RIMS1: variants seen among roughly 807,000 people sequenced by gnomAD.
RIMS1 encodes the protein regulating synaptic membrane exocytosis 1.
In RIMS1, 83 loss-of-function variants were observed where a neutral mutation model predicts 214.1. The ratio of observed to expected loss-of-function variants is 0.39; its 90% confidence interval spans 0.32 to 0.47. The LOEUF (loss-of-function observed/expected upper bound fraction) is 0.47, where lower values mean the gene tolerates loss of function less well. Among genes scored for constraint, RIMS1 ranks in the 20% least tolerant of loss-of-function variants. The pLI, the probability that RIMS1 is intolerant of heterozygous loss-of-function variation, is 0.99. For missense variants in RIMS1, 2,050 were observed against 2,161.8 expected (o/e 0.95, Z 1.03); for synonymous variants, 793 against 786.8 (o/e 1.01, Z -0.13).
intron 4 of RIMS1, among the ~76,000 whole-genome samples, chr6:72,167,701 G>A (rs1312158206): frequency 1.3e-5 from 2 of 151,948 alleles, no homozygotes; most frequent in East Asian, 3.9e-4. Context: ...CTCTATTCAT[G>A]TTACTGAATT....
chr6:71,909,318 A>C (rs1260935363), intron 1 of RIMS1, among the ~76,000 whole-genome samples: 1 of 152,124 alleles, frequency 6.6e-6, no homozygotes, highest in Non-Finnish European at 1.5e-5. Flanking sequence ...TTCATACTTA[A>C]AGTTTTAAAT....
chr6:72,217,513 A>G (rs934685790), intron 6 of RIMS1, among the ~76,000 whole-genome samples: 2 of 152,212 alleles, frequency 1.3e-5, no homozygotes, highest in African/African-American at 4.8e-5. Context: ...CTTGAGATAT[A>G]TAGATAATAT....
At chr6:71,987,396 C>T (rs140932879) in intron 2 of RIMS1, among the ~76,000 whole-genome samples, 17 of 152,280 alleles carry the variant, frequency 1.1e-4, no homozygotes, top group Non-Finnish European at 1.5e-4. Flanking sequence ...TCCTCACAGG[C>T]GGAGAGCAGA....
chr6:72,011,131 A>T (rs1231179504), intron 2 of RIMS1, among the ~76,000 whole-genome samples: 1 of 152,206 alleles, frequency 6.6e-6, no homozygotes, highest in Non-Finnish European at 1.5e-5. Context: ...CAAAACAGAG[A>T]TATAGACCAA....
At chr6:71,910,556 A>C (rs1486246248) in intron 1 of RIMS1, among the ~76,000 whole-genome samples, 1 of 152,162 alleles carries the variant, frequency 6.6e-6, no homozygotes, top group Non-Finnish European at 1.5e-5. Flanking sequence ...TCTAGGTCTT[A>C]TCAAAGCACC....
chr6:72,072,304 A>G (rs1200124132), intron 2 of RIMS1, among the ~76,000 whole-genome samples: 1 of 152,238 alleles, frequency 6.6e-6, no homozygotes, highest in Non-Finnish European at 1.5e-5. Flanking sequence ...TACAAAGGGA[A>G]TCCAAGATAT....
chr6:72,334,819 ATTTGAGTCATGTC>A (rs2096784682), intron 29 of RIMS1, among the ~76,000 whole-genome samples: 1 of 151,924 alleles, frequency 6.6e-6, no homozygotes, highest in African/African-American at 2.4e-5. Context: ...GAAGTAGGAA[ATTTGAGTCATGTC>A]TTAAAATTAC....
At chr6:71,905,010 GA>G (rs1451454339) in intron 1 of RIMS1, among the ~76,000 whole-genome samples, 3 of 152,026 alleles carry the variant, frequency 2.0e-5, no homozygotes, top group African/African-American at 7.2e-5. Context: ...ATACAGTATT[GA>G]AGATATGCAA....
intron 23 of RIMS1, among the ~76,000 whole-genome samples, chr6:72,275,436 A>G (rs1273534692): frequency 1.3e-5 from 2 of 151,872 alleles, no homozygotes; most frequent in East Asian, 3.9e-4. Context: ...TTTGTAAACA[A>G]TCAAGATATC....
chr6:72,101,453 A>G (rs904106618), intron 4 of RIMS1, among the ~76,000 whole-genome samples: 2 of 152,004 alleles, frequency 1.3e-5, no homozygotes, highest in Non-Finnish European at 2.9e-5. Flanking sequence ...GGGAAACTGA[A>G]GCCACATTTT....
intron 2 of RIMS1, among the ~76,000 whole-genome samples, chr6:72,034,180 T>G (rs2152033164): frequency 6.6e-6 from 1 of 152,312 alleles, no homozygotes; most frequent in South Asian, 2.1e-4. Context: ...AAAATTTAAA[T>G]TTCTGATAAA....
chr6:72,251,792 C>T (rs1419087637), intron 15 of RIMS1, among the ~76,000 whole-genome samples: 2 of 152,050 alleles, frequency 1.3e-5, no homozygotes, highest in African/African-American at 2.4e-5. Flanking sequence ...CTCACTGCAA[C>T]CTGCACCTCC....
intron 4 of RIMS1, among the ~76,000 whole-genome samples, chr6:72,120,017 T>C (rs1433725481): frequency 6.6e-6 from 1 of 151,940 alleles, no homozygotes; most frequent in Non-Finnish European, 1.5e-5. Context: ...TATTCCATGA[T>C]GTATATGGGC....
intron 12 of RIMS1, among the ~76,000 whole-genome samples, chr6:72,248,980 A>G (rs1326075860): frequency 6.6e-6 from 1 of 152,128 alleles, no homozygotes; most frequent in Non-Finnish European, 1.5e-5. Flanking sequence ...TTCTCCACAT[A>G]TTTTGAAAGA....
chr6:72,086,924 A>G lies in RIMS1; in HGVS notation c.246-10025A>G, dbSNP rs1008139402. 4.6e-5 allele frequency among the ~76,000 whole-genome samples: 7 copies of G among 152,170 alleles called. 1 individual carries two copies. The South Asian group carries it at 1.4e-3, about 31-fold the overall frequency. ...CGGCAGGAAGCCTAGTTAGAAAGCT[A>G]ATGAAATAATACAAGCTAAGAATAA... On this transcript the variant is annotated intron_variant, in intron 2 of 33. Transcript: ENST00000521978.
intron 23 of RIMS1, among the ~76,000 whole-genome samples, chr6:72,277,101 T>C (rs1563433740): frequency 6.6e-6 from 1 of 152,234 alleles, no homozygotes; most frequent in South Asian, 2.1e-4. Flanking sequence ...AAGAGAGTTA[T>C]CCAGTACATT....
At chr6:72,132,126 A>C (rs781040045) in intron 4 of RIMS1, among the ~76,000 whole-genome samples, 14 of 152,180 alleles carry the variant, frequency 9.2e-5, no homozygotes, top group Non-Finnish European at 1.9e-4. Context: ...CAAGGTCCTG[A>C]GGCGACATAC....
intron 2 of RIMS1, among the ~76,000 whole-genome samples, chr6:72,065,924 C>CA (rs1257479946): frequency 7.2e-5 from 9 of 125,178 alleles, no homozygotes; most frequent in Non-Finnish European, 1.4e-4. Flanking sequence ...AATGAGAAGC[C>CA]GAAAAAAAAA....
At chr6:71,939,265 A>C (rs897008532) in intron 1 of RIMS1, among the ~76,000 whole-genome samples, 14 of 152,172 alleles carry the variant, frequency 9.2e-5, no homozygotes, top group African/African-American at 3.1e-4. Context: ...CACTCAAGTA[A>C]TCTTTAAGAA....
Sources: gnomAD v4.1 joint callset for allele counts (sites outside exome capture counted in the v4.1 genomes callset) on GRCh38, gnomAD v4.1.1 for gene constraint, MANE v1.5 for transcripts, NCBI Gene and HGNC (gene_info 2026-07-23, HGNC 2026-07-21) for gene names.